PAX5: variants seen among roughly 807,000 people sequenced by gnomAD.
PAX5 encodes paired box protein Pax-5.
In PAX5, 9 loss-of-function variants were observed where a neutral mutation model predicts 43.7. That is an observed-to-expected ratio of 0.21 (90% CI 0.12 to 0.36). PAX5 has a LOEUF of 0.36. Ranked by LOEUF, PAX5 falls within the 10% of genes least tolerant of loss-of-function variation. PAX5 has a pLI of 1.00. For synonymous variants in PAX5, 228 were observed against 214.3 expected, an observed-to-expected ratio of 1.06 and a Z score of -0.56; for missense variants, 383 against 532.7, an observed-to-expected ratio of 0.72 and a Z score of 2.77.
intron 3 of PAX5, among the ~76,000 whole-genome samples, chr9:37,011,766 G>A (rs538271711): frequency 2.6e-5 from 4 of 152,248 alleles, no homozygotes; most frequent in South Asian, 2.1e-4. Flanking sequence ...GGGGTGAACC[G>A]TGGAGATGCC....
intron 8 of PAX5, among the ~76,000 whole-genome samples, chr9:36,863,041 C>T (rs550901940): frequency 1.1e-4 from 17 of 152,224 alleles, no homozygotes; most frequent in African/African-American, 3.9e-4. Context: ...TAAGTCCTGG[C>T]GTGGGGCTTC....
At chr9:36,883,216 A>T (rs1464071639) in intron 7 of PAX5, among the ~76,000 whole-genome samples, 1 of 152,198 alleles carries the variant, frequency 6.6e-6, no homozygotes, top group African/African-American at 2.4e-5. Flanking sequence ...TCTCAGGGTC[A>T]TTTCTGAACC....
intron 7 of PAX5, among the ~76,000 whole-genome samples, chr9:36,886,359 G>A (rs577266923): frequency 2.6e-5 from 4 of 152,264 alleles, no homozygotes; most frequent in Admixed American, 2.6e-4. Context: ...CCAGGCAGAG[G>A]CTGATCCCCA....
chr9:36,968,608 C>CA (rs1236036108), intron 5 of PAX5, among the ~76,000 whole-genome samples: 1 of 32,208 alleles, frequency 3.1e-5, no homozygotes, highest in Non-Finnish European at 1.3e-4. Flanking sequence ...TGACCAGATA[C>CA]CCCCACATGT....
chr9:37,019,767 A>G (rs1480161504), intron 2 of PAX5, among the ~76,000 whole-genome samples: 1 of 152,208 alleles, frequency 6.6e-6, no homozygotes, highest in Non-Finnish European at 1.5e-5. Context: ...GGGCAGACCT[A>G]AAACAAGATC....
chr9:36,851,420 ATGGCCGGGT>A (rs1193756183), intron 8 of PAX5, among the ~76,000 whole-genome samples: 2 of 152,096 alleles, frequency 1.3e-5, no homozygotes, highest in East Asian at 3.9e-4. Flanking sequence ...AATGCCTTGG[ATGGCCGGGT>A]TGGTGTTTTC....
intron 8 of PAX5, among the ~76,000 whole-genome samples, chr9:36,881,199 T>C (rs1429276299): frequency 1.3e-5 from 2 of 152,248 alleles, no homozygotes; most frequent in Non-Finnish European, 2.9e-5. Context: ...GAACTATTTG[T>C]CTATTAAAAA....
chr9:36,962,206 G>A (rs1400007388), intron 6 of PAX5, among the ~76,000 whole-genome samples: 1 of 91,652 alleles, frequency 1.1e-5, no homozygotes, highest in Non-Finnish European at 2.5e-5. Context: ...CCAAACCTAT[G>A]GCAAGTTCTG....
chr9:36,861,325 G>T (rs1195385818), intron 8 of PAX5: 1 of 151,374 alleles, frequency 6.6e-6, no homozygotes, highest in Admixed American at 6.6e-5. Flanking sequence ...GGGCCTACTA[G>T]GTACCAGGTC....
intron 5 of PAX5, among the ~76,000 whole-genome samples, chr9:36,985,857 G>A (rs571645133): frequency 6.6e-6 from 1 of 152,342 alleles, no homozygotes; most frequent in East Asian, 1.9e-4. Flanking sequence ...AGACAAAAAA[G>A]TTTATGTCAG....
At chr9:36,907,981 C>T (rs1217891790) in intron 7 of PAX5, among the ~76,000 whole-genome samples, 2 of 152,100 alleles carry the variant, frequency 1.3e-5, no homozygotes, top group Non-Finnish European at 2.9e-5. Context: ...GGGAGGATTG[C>T]TCGAGCCCAG....
chr9:36,947,982 C>T (rs560158564), intron 6 of PAX5, among the ~76,000 whole-genome samples: 156 of 152,238 alleles, frequency 1.0e-3, no homozygotes, highest in African/African-American at 3.6e-3. Context: ...TGAGACATTC[C>T]CTGAGAATGC....
At chr9:36,888,642 A>T (rs1225390674) in intron 7 of PAX5, among the ~76,000 whole-genome samples, 1 of 152,230 alleles carries the variant, frequency 6.6e-6, no homozygotes, top group African/African-American at 2.4e-5. Context: ...AGGCAAAGAC[A>T]TGAAGGGAAG....
chr9:37,008,915 A>T (rs1838699194), intron 3 of PAX5, among the ~76,000 whole-genome samples: 1 of 152,208 alleles, frequency 6.6e-6, no homozygotes, highest in Non-Finnish European at 1.5e-5. Context: ...GTAAGCTGGC[A>T]TCTGACCTAA....
chr9:36,947,155 T>C (rs1832596644), intron 6 of PAX5, among the ~76,000 whole-genome samples: 1 of 152,344 alleles, frequency 6.6e-6, no homozygotes, highest in South Asian at 2.1e-4. Flanking sequence ...ATGTCCCTTA[T>C]GGAAGCAACG....
chr9:36,859,135 G>A (rs370102711), intron 8 of PAX5, among the ~76,000 whole-genome samples: 1 of 152,092 alleles, frequency 6.6e-6, no homozygotes, highest in East Asian at 1.9e-4. Context: ...CCCGAGGAGC[G>A]CGCTCAATTC....
At chr9:36,870,736 T>C (rs1012865087) in intron 8 of PAX5, among the ~76,000 whole-genome samples, 2 of 152,218 alleles carry the variant, frequency 1.3e-5, no homozygotes, top group South Asian at 4.1e-4. Context: ...TAGGATCCTG[T>C]GGGAAGTCTT....
chr9:36,970,942 A>G (rs1564024502), intron 5 of PAX5, among the ~76,000 whole-genome samples: 1 of 152,112 alleles, frequency 6.6e-6, no homozygotes, highest in Non-Finnish European at 1.5e-5. Flanking sequence ...CTCTCCTCCA[A>G]AGCGAATATC....
At chr9:36,864,918 C>A (rs1824710909) in intron 8 of PAX5, among the ~76,000 whole-genome samples, 1 of 152,238 alleles carries the variant, frequency 6.6e-6, no homozygotes, top group African/African-American at 2.4e-5. Flanking sequence ...GGACCATTTG[C>A]ATGCTAATTT....
Sources: allele counts gnomAD v4.1 joint callset (sites outside exome capture counted in the v4.1 genomes callset), GRCh38; gene constraint gnomAD v4.1.1; transcripts MANE v1.5; gene names NCBI Gene and HGNC (gene_info 2026-07-23, HGNC 2026-07-21).